Variants in IPO7 observed in about 807,000 individuals in gnomAD.
The protein encoded by IPO7 is importin-7.
Under a neutral mutation model 136.4 loss-of-function variants are expected in IPO7, and 13 were observed. The observed-to-expected ratio is 0.10, with a 90% CI of 0.06 to 0.15. The LOEUF is 0.15. IPO7 is among the 10% of genes least tolerant of loss of function. IPO7 has a pLI of 1.00. For missense variants in IPO7, 857 were observed against 1,240.6 expected (o/e 0.69, Z 4.65); for synonymous variants, 403 against 404.4 (o/e 1.00, Z 0.04).
rs11042333 is a variant in IPO7 at position 9,401,026 on chromosome 11, C to A, written c.85-2264C>A. Among the ~76,000 whole-genome samples, 1,177 of 151,820 alleles carry A rather than the reference C, an allele frequency of 7.8e-3. 31 individuals are homozygous for A. In the East Asian group the frequency reaches 0.097, roughly 13 times the overall value. On this transcript the variant is annotated intron_variant, in intron 1 of 24. Coordinates refer to ENST00000379719, the MANE Select transcript of IPO7 (RefSeq NM_006391.3). ...GCAAAACCCGTCTCTACTAAAAATACAAAAATTAGCTGGGCGTGGTGGCAT... is the reference window on the plus strand; with the variant it reads ...GCAAAACCCGTCTCTACTAAAAATAAAAAAATTAGCTGGGCGTGGTGGCAT...
At chr11:9,397,836 T>C (rs1029444628) in intron 1 of IPO7, among the ~76,000 whole-genome samples, 9 of 152,242 alleles carry the variant, frequency 5.9e-5, no homozygotes, top group African/African-American at 1.9e-4. Context: ...TAAGATATTT[T>C]CTGTGTTGTT....
rs763229799 is a variant in IPO7 at position 9,445,079 on chromosome 11, AT to A, written c.3020-14del. On this transcript the variant is annotated splice_polypyrimidine_tract_variant and intron_variant, in intron 24 of 24. Transcript: ENST00000379719. ...GTAGATGATTGAATGCCCTACTAAAATTTTATTTGTTTTCTAGAATCCAAAA... is the reference window on the plus strand; with the variant it reads ...GTAGATGATTGAATGCCCTACTAAAATTTATTTGTTTTCTAGAATCCAAAA... 3 of 1,551,936 alleles carry A rather than the reference AT, an allele frequency of 1.9e-6. No individual in the cohort carries two copies. In the East Asian group the frequency reaches 6.7e-5, roughly 35 times the overall value.
At chr11:9,435,088 TTG>T in intron 19 of IPO7, 57 bp downstream of exon 19, 1 of 1,015,884 alleles carries the variant, frequency 9.8e-7, no homozygotes, top group Non-Finnish European at 1.5e-6. Context: ...ATGTATGAAA[TTG>T]TGAAAACTCA....
At chr11:9,428,670 T>C in intron 13 of IPO7, 41 bp downstream of exon 13, 2 of 1,048,742 alleles carry the variant, frequency 1.9e-6, no homozygotes, top group South Asian at 1.3e-5. Flanking sequence ...TTTTGTCTTG[T>C]AATGAATGAC....
In IPO7 at chr11:9,447,635, T is replaced by C. The variant is rs1855546682; in HGVS notation, c.*2441T>C. The C allele has an allele frequency of 6.6e-6, 1 of 152,234 alleles. No individual in the cohort carries two copies. The highest frequency in any genetic ancestry group is 1.5e-5 in the Non-Finnish European group (1 of 68,036). 9.4% of individuals were successfully genotyped at this position (152,234 alleles called of 1,614,324 possible). ...ACATACAGCTTTTCCTACAGTTTTATTACCCTGTAATTTTTTTTTAGTTGT... is the reference window on the plus strand; with the variant it reads ...ACATACAGCTTTTCCTACAGTTTTACTACCCTGTAATTTTTTTTTAGTTGT... On this transcript the variant is annotated 3_prime_UTR_variant, in exon 25 of 25. Coordinates refer to ENST00000379719, the MANE Select transcript of IPO7 (RefSeq NM_006391.3).
chr11:9,412,628 C>T lies in IPO7; in HGVS notation c.480-1627C>T, dbSNP rs191039861. Among the ~76,000 whole-genome samples the T allele has an allele frequency of 7.4e-4, 113 of 152,160 alleles. 1 individual carries two copies. Among genetic ancestry groups the T allele is most frequent in the African/African-American group, 2.6e-3 (109 of 41,522 alleles). ...CCCAGGAGTTTGAGACCAGCTTGGGCAACATAGTGGAACCCCGTCTCTCCC... is the reference window on the plus strand; with the variant it reads ...CCCAGGAGTTTGAGACCAGCTTGGGTAACATAGTGGAACCCCGTCTCTCCC... On this transcript the variant is annotated intron_variant, in intron 4 of 24. Coordinates refer to ENST00000379719, the MANE Select transcript of IPO7 (RefSeq NM_006391.3).
chr11:9,404,327 T>A (rs1474529682), intron 2 of IPO7, among the ~76,000 whole-genome samples: 2 of 151,340 alleles, frequency 1.3e-5, no homozygotes, highest in Non-Finnish European at 2.9e-5. Flanking sequence ...TAGCCGGGCG[T>A]GGTGGCGGGC....
intron 1 of IPO7, chr11:9,403,068 A>G (rs1854825042): frequency 7.9e-6 from 4 of 507,892 alleles, no homozygotes; most frequent in South Asian, 7.4e-5. Flanking sequence ...TGGGAAGTGC[A>G]GTGCTATACA....
At chr11:9,417,276 A>T (rs575611016) in intron 6 of IPO7, 128 bp downstream of exon 6, 8 of 484,442 alleles carry the variant, frequency 1.7e-5, no homozygotes, top group African/African-American at 1.4e-4. Context: ...TTTTTTCTAG[A>T]TTAGAGGTAC....
At chr11:9,427,716 A>T (rs570950868) in intron 12 of IPO7, among the ~76,000 whole-genome samples, 1 of 152,336 alleles carries the variant, frequency 6.6e-6, no homozygotes, top group Non-Finnish European at 1.5e-5. Flanking sequence ...ACTCAGCTTC[A>T]CTTAGTGGTA....
intron 1 of IPO7, 69 bp downstream of exon 1, chr11:9,384,916 G>T (rs1854529563): frequency 1.6e-6 from 2 of 1,282,740 alleles, no homozygotes; most frequent in Admixed American, 4.2e-5. Flanking sequence ...GAGCCCCCGG[G>T]GCCTGGCCGG....
chr11:9,392,628 A>G (rs953040440), intron 1 of IPO7, among the ~76,000 whole-genome samples: 1 of 152,144 alleles, frequency 6.6e-6, no homozygotes, highest in Admixed American at 6.6e-5. Context: ...CTCTTTGGTT[A>G]TATTTCAATG....
intron 22 of IPO7, among the ~76,000 whole-genome samples, chr11:9,438,712 G>A (rs938241162): frequency 1.4e-4 from 21 of 152,110 alleles, no homozygotes; most frequent in African/African-American, 5.1e-4. Flanking sequence ...TCACAGAAAA[G>A]ACTTCCTTTC....
chr11:9,390,388 T>C (rs937330537), intron 1 of IPO7, among the ~76,000 whole-genome samples: 1 of 152,204 alleles, frequency 6.6e-6, no homozygotes, highest in Non-Finnish European at 1.5e-5. Context: ...ACCTTACTTA[T>C]AAATGGTTCA....
rs567042532 is a variant in IPO7 at position 9,429,780 on chromosome 11, C to A, written c.1698C>A (p.Ile566=). 6.8e-6 allele frequency: 11 copies of A among 1,606,198 alleles called. 1 individual carries two copies. In the African/African-American group the frequency reaches 9.4e-5, roughly 14 times the overall value. Residue 566 remains isoleucine, a synonymous_variant, in exon 15 of 25, where the codon ATC becomes ATA. Transcript: ENST00000379719. ...TTACCAATGTAATTCAGAAAATGAT[C>A]TGTGAATATAGTGAAGAAGTTACTC... ...DDLTNVIQKM[I]CEYSEEVTPI...
At chr11:9,404,416 G>A (rs930591775) in intron 2 of IPO7, among the ~76,000 whole-genome samples, 2 of 151,722 alleles carry the variant, frequency 1.3e-5, no homozygotes, top group African/African-American at 4.8e-5. Flanking sequence ...AGTGAGCCGA[G>A]TTGGCGTCAC....
intron 1 of IPO7, among the ~76,000 whole-genome samples, chr11:9,387,007 CTTCCATTTAAATATTTT>C (rs1854560382): frequency 1.3e-5 from 2 of 152,156 alleles, no homozygotes; most frequent in African/African-American, 4.8e-5. Flanking sequence ...CCTCTCCCTT[CTTCCATTTAAATATTTT>C]TTGCTTTGAC....
In IPO7 at chr11:9,397,341, A is replaced by AAAAAAAAAAAAAAAAAATATAT; in HGVS notation, c.85-5948_85-5947insAAAAAAAAAAAAAAAATATATA. Among the ~76,000 whole-genome samples the AAAAAAAAAAAAAAAAAATATAT allele has an allele frequency of 3.0e-3, 32 of 10,750 alleles. 2 individuals are homozygous for AAAAAAAAAAAAAAAAAATATAT. Among genetic ancestry groups the AAAAAAAAAAAAAAAAAATATAT allele is most frequent in the Non-Finnish European group, 5.1e-3 (28 of 5,452 alleles). The allele number at this position is 10,750 out of a possible 152,430, so 7.1% of individuals were successfully genotyped here. On this transcript the variant is annotated intron_variant, in intron 1 of 24. Coordinates refer to ENST00000379719, the MANE Select transcript of IPO7 (RefSeq NM_006391.3). Reference sequence around the variant, plus strand: ...CTTTACTAAAAATAATTTAAAAAAAAATATATATATATATATATATATATT... The same window carrying AAAAAAAAAAAAAAAAAATATAT: ...CTTTACTAAAAATAATTTAAAAAAAAAAAAAAAAAAAAAAAAATATATATATATATATATATATATATATATT...
rs560228887 is a variant in IPO7 at position 9,444,289 on chromosome 11, A to G, written c.3020-808A>G. Among the ~76,000 whole-genome samples the G allele has an allele frequency of 2.5e-5, 3 of 121,374 alleles. No individual in the cohort carries two copies. In the East Asian group the frequency reaches 6.4e-4, roughly 26 times the overall value. 79.6% of individuals were successfully genotyped at this position (121,374 alleles called of 152,430 possible). On this transcript the variant is annotated intron_variant, in intron 24 of 24. Coordinates refer to ENST00000379719, the MANE Select transcript of IPO7 (RefSeq NM_006391.3). Reference sequence around the variant, plus strand: ...TGAAACTCTGTCTCTAAAAAAAAAAATAAACAAAAGTACATTTTAGGTTAT... The same window carrying G: ...TGAAACTCTGTCTCTAAAAAAAAAAGTAAACAAAAGTACATTTTAGGTTAT...
Sources: gnomAD v4.1 joint callset for allele counts (sites outside exome capture counted in the v4.1 genomes callset) on GRCh38, gnomAD v4.1.1 for gene constraint, MANE v1.5 for transcripts, NCBI Gene and HGNC (gene_info 2026-07-23, HGNC 2026-07-21) for gene names.